The following FTCD variants were observed in gnomAD, a reference collection of about 807,000 sequenced individuals.
FTCD encodes formimidoyltransferase cyclodeaminase, also known as formimidoyltransferase-cyclodeaminase.
In FTCD, 76 loss-of-function variants were observed where a neutral mutation model predicts 62.9. The ratio of observed to expected loss-of-function variants is 1.21; its 90% CI spans 1.00 to 1.46. The LOEUF (loss-of-function observed/expected upper bound fraction) is 1.46, where lower values mean the gene tolerates loss of function less well. Ranked by LOEUF, FTCD falls within the 40% of genes most tolerant of loss-of-function variation. The probability of loss-of-function intolerance (pLI) is 0.00; values close to 1 mark genes in which losing one functional copy is unlikely to be tolerated. For synonymous variants in FTCD, 397 were observed against 336.9 expected, an observed-to-expected ratio of 1.18 and a Z score of -1.95; for missense variants, 845 against 751.3, an observed-to-expected ratio of 1.12 and a Z score of -1.46.
At chr21:46,140,636 C>T (rs1259502828) in intron 10 of FTCD, among the ~76,000 whole-genome samples, 1 of 81,170 alleles carries the variant, frequency 1.2e-5, no homozygotes. Context: ...ACGTGGCTCA[C>T]AGGGAGTGTA....
intron 3 of FTCD, chr21:46,152,298 G>A (rs539594741): frequency 3.7e-5 from 13 of 351,124 alleles, no homozygotes; most frequent in Admixed American, 8.7e-5. Flanking sequence ...AAACAGAACC[G>A]CAAGCAACCA....
chr21:46,150,084 C>A (rs878942547), intron 7 of FTCD, 35 bp downstream of exon 7: 2 of 1,602,112 alleles, frequency 1.2e-6, no homozygotes, highest in East Asian at 2.2e-5. Flanking sequence ...TCCCTGCACG[C>A]CCCTGTCCGA....
intron 10 of FTCD, 79 bp downstream of exon 10, chr21:46,145,338 G>T: frequency 8.2e-7 from 1 of 1,221,852 alleles, no homozygotes; most frequent in Non-Finnish European, 1.1e-6. Context: ...GCCGGAGGCT[G>T]ACCCGCTTCT....
At chr21:46,141,091 T>C (rs2839125) in intron 10 of FTCD, among the ~76,000 whole-genome samples, 2 of 152,268 alleles carry the variant, frequency 1.3e-5, no homozygotes, top group Admixed American at 6.5e-5. Context: ...TTTTAATTAT[T>C]CACCTTATTT....
Position 46,151,060 on chromosome 21 carries a change from G to C in FTCD, c.636+498C>G, listed in dbSNP as rs142554200. ...CTGTTTGTGGGACCGGGGTCTCTGA[G>C]TGGGGAACAGATGGGCAGGTGGTCC... On this transcript the variant is annotated intron_variant, in intron 5 of 13. Transcript: ENST00000397746. Among the ~76,000 whole-genome samples the C allele has an allele frequency of 5.4e-3, 828 of 152,336 alleles. 27 individuals are homozygous for C. In the South Asian group the frequency reaches 0.075, roughly 14 times the overall value.
At chr21:46,136,614 T>C, downstream of FTCD, 2 of 1,508,410 alleles carry the variant, frequency 1.3e-6, no homozygotes, top group Non-Finnish European at 1.8e-6. Context: ...TGGGCTGCAC[T>C]GGGTGTCTGG....
At chr21:46,136,551 A>G, downstream of FTCD, 3 of 1,598,594 alleles carry the variant, frequency 1.9e-6, no homozygotes, top group South Asian at 2.2e-5. Context: ...CTCACAGCCC[A>G]GGGACCTGCA....
chr21:46,136,795 T>G lies in FTCD; in HGVS notation c.*192A>C. ...CAACACAGGTTTGGTGCCAAAACTT[T>G]ACTGGAGGTCACATGGGACTAGGGG... is the stretch of plus-strand genomic sequence containing the variant. On this transcript the variant is annotated 3_prime_UTR_variant, in exon 14 of 14. Coordinates refer to ENST00000397746, the MANE Select transcript of FTCD (RefSeq NM_206965.2). The G allele has an allele frequency of 6.5e-7, 1 of 1,528,744 alleles. No homozygotes were observed. Among genetic ancestry groups the G allele is most frequent in the Non-Finnish European group, 8.8e-7 (1 of 1,135,560 alleles). The allele number at this position is 1,528,744 out of a possible 1,614,324, so 94.7% of individuals were successfully genotyped here.
At chr21:46,136,702 A>G (rs890988661), downstream of FTCD, 82 of 1,470,726 alleles carry the variant, frequency 5.6e-5, no homozygotes, top group East Asian at 1.9e-3. Context: ...GCCACTGACC[A>G]TATGTCCTGC....
chr21:46,141,354 C>T (rs1347856698), intron 10 of FTCD, among the ~76,000 whole-genome samples: 1 of 151,018 alleles, frequency 6.6e-6, no homozygotes, highest in African/African-American at 2.4e-5. Flanking sequence ...GGTGTGTGGT[C>T]TAGGCTGGTT....
At chr21:46,136,413 A>T (rs781488335), downstream of FTCD, 1 of 1,610,340 alleles carries the variant, frequency 6.2e-7, no homozygotes, top group Admixed American at 1.7e-5. Flanking sequence ...TGCTCTGTGG[A>T]ACTGTCCAGA....
intron 10 of FTCD, among the ~76,000 whole-genome samples, chr21:46,140,668 C>A (rs2078981548): frequency 6.6e-6 from 1 of 151,198 alleles, no homozygotes; most frequent in Non-Finnish European, 1.5e-5. Context: ...CACTCCCCGT[C>A]CACCTTCACG....
intron 10 of FTCD, among the ~76,000 whole-genome samples, chr21:46,144,253 C>T (rs930610121): frequency 6.6e-6 from 1 of 151,354 alleles, no homozygotes; most frequent in Non-Finnish European, 1.5e-5. Context: ...AGTGGTCCCC[C>T]GGGCCCAGCT....
In FTCD at chr21:46,154,298, G is replaced by C. The variant is rs748582192; in HGVS notation, c.89C>G (p.Thr30Ser). Residue 30 changes from threonine to serine, a missense_variant, in exon 2 of 14, where the codon ACC becomes AGC. Transcript: ENST00000397746. The part of the protein sequence containing the change: ...IDAISGAITQ[T>S]PGCVLLDVDA... ...CACATCCAGCAGCACGCAGCCCGGG[G>C]TCTGTGTGATGGCTCCAGAGATGGC... 6.2e-7 allele frequency: 1 copy of C among 1,611,564 alleles called. No homozygotes were observed. The highest frequency in any genetic ancestry group is 8.5e-7 in the Non-Finnish European group (1 of 1,179,694).
chr21:46,151,380 C>T (rs920075564), intron 5 of FTCD, among the ~76,000 whole-genome samples, 178 bp downstream of exon 5: 6 of 152,240 alleles, frequency 3.9e-5, no homozygotes, highest in Admixed American at 3.3e-4. Context: ...CCTGACCTGC[C>T]GACCTGCGCG....
chr21:46,152,061 C>T (rs577192594), intron 3 of FTCD, 81 bp from the exon 4 acceptor site: 171 of 982,634 alleles, frequency 1.7e-4, no homozygotes, highest in African/African-American at 1.7e-3. Context: ...TGGAGGGGCT[C>T]CCTCCAGCCT....
Position 46,136,811 on chromosome 21 carries a change from G to T in FTCD, c.*176C>A, listed in dbSNP as rs564324939. On this transcript the variant is annotated 3_prime_UTR_variant, in exon 14 of 14. Coordinates refer to ENST00000397746, the MANE Select transcript of FTCD (RefSeq NM_206965.2). The stretch of plus-strand genomic sequence containing the variant: ...CCAAAACTTTACTGGAGGTCACATG[G>T]GACTAGGGGCCTTCTGTCCCTGCCA... 6.5e-7 allele frequency: 1 copy of T among 1,545,132 alleles called. No homozygotes were observed. The highest frequency in any genetic ancestry group is 2.0e-5 in the Admixed American group (1 of 50,484).
intron 10 of FTCD, among the ~76,000 whole-genome samples, chr21:46,145,193 G>A (rs570064844): frequency 6.6e-6 from 1 of 152,316 alleles, no homozygotes; most frequent in South Asian, 2.1e-4. Context: ...GTGAATGTGG[G>A]GTCACCCTGG....
Position 46,145,397 on chromosome 21 carries a change from C to G in FTCD, c.1260+20G>C. ...CGCTGTTGGTGGGGCCCGGGGAGCC[C>G]TGCTGTGGCCGCCACTCACCAGGTA... On this transcript the variant is annotated intron_variant, in intron 10 of 13. Coordinates refer to ENST00000397746, the MANE Select transcript of FTCD (RefSeq NM_206965.2). The G allele has an allele frequency of 1.3e-6, 2 of 1,532,870 alleles. No homozygotes were observed. Among genetic ancestry groups the G allele is most frequent in the East Asian group, 4.9e-5 (2 of 40,708 alleles). The allele number at this position is 1,532,870 out of a possible 1,614,324, so 95.0% of individuals were successfully genotyped here.
Sources: allele counts gnomAD v4.1 joint callset (sites outside exome capture counted in the v4.1 genomes callset), GRCh38; gene constraint gnomAD v4.1.1; transcripts MANE v1.5; gene names NCBI Gene and HGNC (gene_info 2026-07-23, HGNC 2026-07-21).